The following GRAMD1B variants were observed in gnomAD, a reference collection of about 807,000 sequenced individuals.
GRAMD1B encodes the protein protein Aster-B.
Under a neutral mutation model 99.7 loss-of-function variants are expected in GRAMD1B, and 37 were observed. The ratio of observed to expected loss-of-function variants is 0.37; its 90% CI spans 0.29 to 0.49. GRAMD1B has a LOEUF of 0.49. Among genes scored for constraint, GRAMD1B ranks in the 20% least tolerant of loss-of-function variants. The probability of loss-of-function intolerance (pLI) is 0.98; values close to 1 mark genes in which losing one functional copy is unlikely to be tolerated. For missense variants in GRAMD1B, 888 were observed against 1,009.2 expected, an observed-to-expected ratio of 0.88 and a Z score of 1.63; for synonymous variants, 427 against 387.6, an observed-to-expected ratio of 1.10 and a Z score of -1.19.
chr11:123,560,153 A>AT, intron 2 of GRAMD1B: 1 of 981,556 alleles, frequency 1.0e-6, no homozygotes, highest in Non-Finnish European at 1.2e-6. Flanking sequence ...AAAGAGTTGC[A>AT]TTATGTAAAC....
intron 2 of GRAMD1B, among the ~76,000 whole-genome samples, chr11:123,548,290 AAATATATATATATATAT>A (rs1486218708): frequency 0.012 from 705 of 58,142 alleles, 15 homozygotes; most frequent in African/African-American, 0.05. Flanking sequence ...GGCTGTGCCA[AAATATATATATATATAT>A]ATATATATAT....
At chr11:123,406,902 G>A (rs1043088184) in intron 1 of GRAMD1B, among the ~76,000 whole-genome samples, 2 of 152,158 alleles carry the variant, frequency 1.3e-5, no homozygotes, top group East Asian at 1.9e-4. Context: ...ATATCAATGT[G>A]CCAGACACTG....
chr11:123,477,319 C>T (rs1951336739), intron 1 of GRAMD1B, among the ~76,000 whole-genome samples: 1 of 131,720 alleles, frequency 7.6e-6, no homozygotes, highest in South Asian at 2.8e-4. Flanking sequence ...CTCCCCTCTC[C>T]TCCCCTCCCC....
chr11:123,596,013 C>A lies in GRAMD1B; in HGVS notation c.945C>A (p.Ile315=). 6.2e-7 allele frequency: 1 copy of A among 1,605,182 alleles called. No individual in the cohort carries two copies. The highest frequency in any genetic ancestry group is 8.5e-7 in the Non-Finnish European group (1 of 1,174,180). The change falls in exon 7 of 20, where the codon ATC becomes ATA. Residue 315 remains isoleucine, a synonymous_variant. Coordinates refer to ENST00000635736, the MANE Select transcript of GRAMD1B (RefSeq NM_001387025.1). ...CAGCTCGCCTCATTCCCAATGCCATCCAAGTTTGCACTGATTCAGAAAAGG... is the reference window on the plus strand; with the variant it reads ...CAGCTCGCCTCATTCCCAATGCCATACAAGTTTGCACTGATTCAGAAAAGG... ...EKTARLIPNA[I]QVCTDSEKHF... is the part of the protein sequence containing the mutation.
chr11:123,582,790 C>G (rs1171522120), intron 3 of GRAMD1B, among the ~76,000 whole-genome samples: 1 of 152,210 alleles, frequency 6.6e-6, no homozygotes, highest in Non-Finnish European at 1.5e-5. Flanking sequence ...CGCTTCCTTC[C>G]CTCTAGACAC....
chr11:123,465,207 G>A (rs895260287), intron 1 of GRAMD1B, among the ~76,000 whole-genome samples: 2 of 152,096 alleles, frequency 1.3e-5, no homozygotes, highest in African/African-American at 4.8e-5. Context: ...TTCAGAGGTT[G>A]GTAGGGGAAG....
At chr11:123,535,958 CGTT>C (rs1201339179) in intron 2 of GRAMD1B, among the ~76,000 whole-genome samples, 1 of 152,076 alleles carries the variant, frequency 6.6e-6, no homozygotes, top group Non-Finnish European at 1.5e-5. Flanking sequence ...GCAGGTGCCT[CGTT>C]GTTGCAGTGT....
At chr11:123,403,515 T>C (rs1947746667) in intron 1 of GRAMD1B, among the ~76,000 whole-genome samples, 1 of 150,524 alleles carries the variant, frequency 6.6e-6, no homozygotes, top group Non-Finnish European at 1.5e-5. Flanking sequence ...TGTTAGGCTT[T>C]TTTTGTTTTT....
intron 2 of GRAMD1B, among the ~76,000 whole-genome samples, chr11:123,531,937 A>G (rs969857606): frequency 1.3e-5 from 2 of 151,862 alleles, no homozygotes; most frequent in Non-Finnish European, 2.9e-5. Flanking sequence ...GGGTTTCTCT[A>G]TGTTGGTCAG....
rs943060250 is a variant in GRAMD1B, at chr11:123,437,134, T to C, written c.374+5968T>C. On this transcript the variant is annotated intron_variant, in intron 1 of 19. Transcript: ENST00000635736. ...TTCCATGGTGTATATGTGCCACATT[T>C]TCTTAATCCAGTCTATCAAGATGGC... Among the ~76,000 whole-genome samples, 3 of 152,358 alleles carry C rather than the reference T, an allele frequency of 2.0e-5. No individual in the cohort carries two copies. In the South Asian group the frequency reaches 6.2e-4, roughly 32 times the overall value.
intron 1 of GRAMD1B, among the ~76,000 whole-genome samples, chr11:123,438,105 T>C (rs1211835062): frequency 6.6e-6 from 1 of 152,186 alleles, no homozygotes; most frequent in African/African-American, 2.4e-5. Flanking sequence ...GATTCATAAT[T>C]CCTTGAGGGC....
chr11:123,512,701 A>AT (rs1276430790), intron 2 of GRAMD1B, among the ~76,000 whole-genome samples: 89 of 111,786 alleles, frequency 8.0e-4, no homozygotes, highest in African/African-American at 3.1e-3. Context: ...AGCATTGTGA[A>AT]TCTTTTTTTT....
chr11:123,378,673 C>G (rs1016639526), intron 1 of GRAMD1B, among the ~76,000 whole-genome samples: 3 of 152,202 alleles, frequency 2.0e-5, no homozygotes, highest in African/African-American at 7.2e-5. Flanking sequence ...GGGAAAACAG[C>G]CACTGAATAT....
intron 4 of GRAMD1B, among the ~76,000 whole-genome samples, chr11:123,584,710 G>A (rs1309810124): frequency 6.6e-6 from 1 of 152,038 alleles, no homozygotes; most frequent in Non-Finnish European, 1.5e-5. Context: ...TAACATTTTG[G>A]GGCAAATGCA....
chr11:123,595,268 G>T (rs2136581829), intron 6 of GRAMD1B, among the ~76,000 whole-genome samples: 1 of 148,128 alleles, frequency 6.8e-6, no homozygotes, highest in South Asian at 2.2e-4. Context: ...CTAAGGAAGA[G>T]AAAGATTAAC....
Position 123,430,833 on chromosome 11 carries a change from C to A in GRAMD1B, c.41C>A (p.Ala14Asp), listed in dbSNP as rs1187604520. 4.3e-6 allele frequency: 3 copies of A among 698,534 alleles called. No individual in the cohort carries two copies. The highest frequency in any genetic ancestry group is 7.8e-6 in the Non-Finnish European group (3 of 383,132). The allele number at this position is 698,534 out of a possible 1,614,324, so 43.3% of individuals were successfully genotyped here. Residue 14 changes from alanine to aspartate, a missense_variant, in exon 1 of 20, where the codon GCC (alanine) becomes GAC (aspartate). By Grantham distance (126) the Ala-to-Asp change is moderately radical. Transcript: ENST00000635736. ...ATGATGGAGAACCGGCCGCTGCCCG[C>A]CCTGCAGGTGCCCGAGCCGCAGGGT... The part of the protein sequence containing the change: ...ANMMENRPLP[A>D]LQVPEPQGAP...
At chr11:123,403,448 G>GATAAAATAATAATA (rs1555112781) in intron 1 of GRAMD1B, among the ~76,000 whole-genome samples, 4 of 139,178 alleles carry the variant, frequency 2.9e-5, no homozygotes, top group African/African-American at 1.1e-4. Flanking sequence ...TGATGATGAT[G>GATAAAATAATAATA]ATAATAATAA....
intron 1 of GRAMD1B, among the ~76,000 whole-genome samples, chr11:123,419,138 A>C (rs1186589638): frequency 6.6e-6 from 1 of 152,218 alleles, no homozygotes; most frequent in East Asian, 1.9e-4. Context: ...AAGACATCAT[A>C]AAAGGTCAAC....
chr11:123,375,081 A>G (rs1946649070), intron 1 of GRAMD1B, among the ~76,000 whole-genome samples: 1 of 152,214 alleles, frequency 6.6e-6, no homozygotes, highest in African/African-American at 2.4e-5. Context: ...TATCTTCATG[A>G]TCTCACTTAA....
Sources: gnomAD v4.1 joint callset for allele counts (sites outside exome capture counted in the v4.1 genomes callset) on GRCh38, gnomAD v4.1.1 for gene constraint, MANE v1.5 for transcripts, NCBI Gene and HGNC (gene_info 2026-07-23, HGNC 2026-07-21) for gene names.